SLCO1A2: variants seen among roughly 807,000 people sequenced by gnomAD.
The protein encoded by SLCO1A2 is solute carrier organic anion transporter family member 1A2.
A neutral mutation model predicts 69.0 loss-of-function variants in SLCO1A2; 67 were observed. That is an observed-to-expected ratio of 0.97 (90% confidence interval 0.80 to 1.19). The LOEUF is 1.19. SLCO1A2 is among the 50% of genes most tolerant of loss of function. The pLI is 0.00. For missense variants in SLCO1A2, 787 were observed against 793.7 expected (o/e 0.99, Z 0.10); for synonymous variants, 260 against 265.9 (o/e 0.98, Z 0.22).
intron 9 of SLCO1A2, among the ~76,000 whole-genome samples, chr12:21,296,906 CAA>C (rs1947796148): frequency 6.6e-6 from 1 of 152,150 alleles, no homozygotes. Context: ...AGGAAAAACC[CAA>C]GTTAGGCTAA....
At chr12:21,346,893 AAAG>A (rs780003728) in intron 2 of SLCO1A2, among the ~76,000 whole-genome samples, 2 of 152,184 alleles carry the variant, frequency 1.3e-5, no homozygotes, top group Non-Finnish European at 2.9e-5. Flanking sequence ...CCACCTACAT[AAAG>A]AAGAACATTT....
chr12:21,391,275 G>A (rs554900031), intron 1 of SLCO1A2, among the ~76,000 whole-genome samples: 4 of 152,050 alleles, frequency 2.6e-5, no homozygotes, highest in African/African-American at 9.7e-5. Context: ...TTATAGAGGA[G>A]CCCAAATTTG....
At chr12:21,276,556 C>CAAAAAAAA (rs1207227203) in intron 12 of SLCO1A2, among the ~76,000 whole-genome samples, 7 of 145,120 alleles carry the variant, frequency 4.8e-5, no homozygotes, top group African/African-American at 8.1e-5. Context: ...AAAAAAAAAC[C>CAAAAAAAA]AAAAAAAACC....
chr12:21,413,270 CCTCT>C (rs1354983638), intron 1 of SLCO1A2, among the ~76,000 whole-genome samples: 1 of 138,216 alleles, frequency 7.2e-6, no homozygotes, highest in African/African-American at 2.8e-5. Context: ...AAGGACCCTC[CCTCT>C]ATCTCCCAGG....
chr12:21,398,331 T>C (rs374436968), upstream of SLCO1A2, among the ~76,000 whole-genome samples: 1 of 148,802 alleles, frequency 6.7e-6, no homozygotes, highest in Non-Finnish European at 1.5e-5. Context: ...AAGGAAGAAG[T>C]TGAATCTCTG....
chr12:21,407,524 G>A (rs976569081), intron 1 of SLCO1A2, among the ~76,000 whole-genome samples: 4 of 152,230 alleles, frequency 2.6e-5, no homozygotes, highest in African/African-American at 9.6e-5. Flanking sequence ...ATTTGGGCCA[G>A]GTGCAGTGGC....
chr12:21,364,177 C>T (rs1939179071), intron 2 of SLCO1A2, among the ~76,000 whole-genome samples: 2 of 152,180 alleles, frequency 1.3e-5, no homozygotes, highest in Non-Finnish European at 2.9e-5. Context: ...AATCCAGCAA[C>T]ACATCAAAAA....
rs1015061107 is a variant in SLCO1A2 at position 21,373,286 on chromosome 12, A to G, written c.-63+1113T>C. The G allele has an allele frequency of 1.4e-5, 15 of 1,096,854 alleles. No individual in the cohort carries two copies. In the Admixed American group the frequency reaches 2.4e-4, roughly 17 times the overall value. 67.9% of individuals were successfully genotyped at this position (1,096,854 alleles called of 1,614,324 possible). A position where few individuals can be genotyped will look rare whatever the true frequency, so the allele number is the denominator to read the frequency against. ...TAAGCTCTAATTTAAAATTACATCA[A>G]TTAGAACTGTAAGAAATCTCTTGAT... On this transcript the variant is annotated intron_variant, in intron 2 of 15. Transcript: ENST00000307378.
At chr12:21,278,093 G>T (rs1944194684) in intron 12 of SLCO1A2, among the ~76,000 whole-genome samples, 2 of 152,178 alleles carry the variant, frequency 1.3e-5, no homozygotes. Context: ...GTAAACGTCA[G>T]TGGTGGCCTG....
At chr12:21,363,043 AC>A (rs1939057401) in intron 2 of SLCO1A2, among the ~76,000 whole-genome samples, 1 of 152,212 alleles carries the variant, frequency 6.6e-6, no homozygotes, top group Admixed American at 6.5e-5. Flanking sequence ...CACCAAGCGG[AC>A]CTAATAGACA....
chr12:21,333,947 T>A (rs1952763392), intron 2 of SLCO1A2, among the ~76,000 whole-genome samples: 1 of 152,002 alleles, frequency 6.6e-6, no homozygotes. Context: ...AGAAAATGAG[T>A]GACAGTGTCT....
chr12:21,308,718 G>T (rs1361820520), intron 4 of SLCO1A2, among the ~76,000 whole-genome samples: 5 of 152,214 alleles, frequency 3.3e-5, no homozygotes, highest in Non-Finnish European at 7.3e-5. Flanking sequence ...AAGAATTCCT[G>T]TCTAGGATAA....
At chr12:21,335,864 A>G (rs1227756104), upstream of SLCO1A2, among the ~76,000 whole-genome samples, 1 of 152,168 alleles carries the variant, frequency 6.6e-6, no homozygotes, top group South Asian at 2.1e-4. Flanking sequence ...ACCAGCATTC[A>G]GCAGTGAGCA....
At chr12:21,286,707 A>G (rs1355440539) in intron 12 of SLCO1A2, among the ~76,000 whole-genome samples, 2 of 110,054 alleles carry the variant, frequency 1.8e-5, no homozygotes, top group Admixed American at 1.0e-4. Flanking sequence ...ATAACGCCGC[A>G]TACCTACAAC....
intron 1 of SLCO1A2, among the ~76,000 whole-genome samples, chr12:21,389,212 A>G (rs1403239225): frequency 6.6e-6 from 1 of 152,196 alleles, no homozygotes; most frequent in Non-Finnish European, 1.5e-5. Flanking sequence ...ATATCAATTT[A>G]CTTGTCAAAA....
At chr12:21,323,929 G>A (rs187822744) in intron 2 of SLCO1A2, among the ~76,000 whole-genome samples, 4 of 152,258 alleles carry the variant, frequency 2.6e-5, no homozygotes, top group Admixed American at 6.5e-5. Context: ...GAGGGTGCTT[G>A]TATAGTCTTA....
chr12:21,361,546 C>T lies in SLCO1A2; in HGVS notation c.-63+12853G>A, dbSNP rs949886420. Among the ~76,000 whole-genome samples, 10 of 152,144 alleles carry T rather than the reference C, an allele frequency of 6.6e-5. No homozygotes were observed. In the East Asian group the frequency reaches 1.2e-3, roughly 18 times the overall value. On this transcript the variant is annotated intron_variant, in intron 2 of 15. Coordinates refer to the SLCO1A2 transcript ENST00000307378. ...AAAGCTGGACAGAGAATGACTTTGA[C>T]GAGTTGACAGAAGAAGGCTTCAGAA...
chr12:21,302,638 G>A (rs1565484783), intron 6 of SLCO1A2, among the ~76,000 whole-genome samples: 2 of 151,060 alleles, frequency 1.3e-5, no homozygotes, highest in Non-Finnish European at 2.9e-5. Flanking sequence ...GGGTTCAAGT[G>A]ATCCACCTCC....
At position 21,275,389 on chromosome 12, in the gene SLCO1A2, C is replaced by A. The variant is rs774299312; in HGVS notation, c.1646G>T (p.Gly549Val). ...MKSEEKSLGV[G>V]LHTFCTRVFA... ...TACTCTTGTGCAAAATGTATGTAAT[C>A]CCACACCAAGGGACTTCTCTTCAGA... The change falls in exon 13 of 15, where the codon GGA (glycine) becomes GTA (valine). Residue 549 changes from glycine to valine, a missense_variant. Gly to Val is a moderately radical substitution (Grantham distance 109). Transcript: ENST00000683939. 6.4e-7 allele frequency: 1 copy of A among 1,551,898 alleles called. No homozygotes were observed. The highest frequency in any genetic ancestry group is 1.8e-5 in the Admixed American group (1 of 56,892).
Sources: allele counts gnomAD v4.1 joint callset (sites outside exome capture counted in the v4.1 genomes callset), GRCh38; gene constraint gnomAD v4.1.1; transcripts MANE v1.5; gene names NCBI Gene and HGNC (gene_info 2026-07-23, HGNC 2026-07-21).